CNTN3: variants seen among roughly 807,000 people sequenced by gnomAD.
CNTN3 encodes contactin-3.
CNTN3 carries 60 observed loss-of-function variants against 119.1 expected under a neutral mutation model. That is an observed-to-expected ratio of 0.50 (90% CI 0.41 to 0.62). The LOEUF is 0.62. Ranked by LOEUF, CNTN3 falls within the 20% of genes least tolerant of loss-of-function variation. CNTN3 has a pLI of 0.00. For synonymous variants in CNTN3, 450 were observed against 438.7 expected (o/e 1.03, Z -0.32); for missense variants, 1,101 against 1,242.4 (o/e 0.89, Z 1.71).
In CNTN3 at chr3:74,301,505, A is replaced by G. The variant is rs74870889; in HGVS notation, c.1988T>C (p.Val663Ala). 2 of 1,614,008 alleles carry G rather than the reference A, an allele frequency of 1.2e-6. No individual in the cohort carries two copies. The highest frequency in any genetic ancestry group is 2.7e-5 in the African/African-American group (2 of 74,906). Residue 663 changes from valine to alanine, a missense_variant, in exon 16 of 23, where the codon GTT becomes GCT. Transcript: ENST00000263665. ...IDGKTHTATV[V>A]ELNPWVEYEF... ...ATATTCCACCCATGGGTTTAACTCA[A>G]CTACAGTGGCTGTGTGCGTCTTCCC...
intron 4 of CNTN3, among the ~76,000 whole-genome samples, chr3:74,428,863 T>C (rs1388242621): frequency 3.3e-5 from 5 of 152,160 alleles, no homozygotes; most frequent in African/African-American, 1.2e-4. Flanking sequence ...TATTGTACTG[T>C]ACATTTTCTA....
At chr3:74,562,552 C>T (rs17012613) in intron 1 of CNTN3, among the ~76,000 whole-genome samples, 1,800 of 152,138 alleles carry the variant, frequency 0.012, 22 homozygotes, top group Non-Finnish European at 0.017. Flanking sequence ...AAAGGGAAAA[C>T]GAGAGGCTAA....
chr3:74,375,407 C>T (rs566328694), intron 5 of CNTN3, among the ~76,000 whole-genome samples: 1 of 151,968 alleles, frequency 6.6e-6, no homozygotes, highest in South Asian at 2.1e-4. Flanking sequence ...GTGGGGTAGG[C>T]AGAATAAATG....
intron 5 of CNTN3, among the ~76,000 whole-genome samples, chr3:74,417,376 C>T (rs754266431): frequency 3.9e-5 from 6 of 152,122 alleles, no homozygotes; most frequent in East Asian, 1.9e-4. Flanking sequence ...AAGAGCAATA[C>T]GCTCAGTTTT....
At chr3:74,590,668 G>A (rs963216544) in intron 1 of CNTN3, among the ~76,000 whole-genome samples, 1 of 152,040 alleles carries the variant, frequency 6.6e-6, no homozygotes, top group South Asian at 2.1e-4. Flanking sequence ...TCAAGTGATG[G>A]TCATATGAGA....
chr3:74,369,019 T>G (rs1704269638), intron 8 of CNTN3, among the ~76,000 whole-genome samples, 170 bp downstream of exon 8: 1 of 152,140 alleles, frequency 6.6e-6, no homozygotes, highest in African/African-American at 2.4e-5. Context: ...AAAAATTTAT[T>G]TCTTTTTAAT....
intron 1 of CNTN3, among the ~76,000 whole-genome samples, chr3:74,557,246 T>C (rs2107169290): frequency 6.6e-6 from 1 of 152,336 alleles, no homozygotes; most frequent in Non-Finnish European, 1.5e-5. Context: ...TTACATTTTC[T>C]TTTAAGAGTT....
At chr3:74,372,741 G>A (rs1704373198) in intron 5 of CNTN3, among the ~76,000 whole-genome samples, 1 of 152,060 alleles carries the variant, frequency 6.6e-6, no homozygotes, top group Non-Finnish European at 1.5e-5. Flanking sequence ...ATGAGATAAG[G>A]AGAAGGGTTA....
At chr3:74,549,620 T>A (rs770133359) in intron 1 of CNTN3, among the ~76,000 whole-genome samples, 1 of 151,800 alleles carries the variant, frequency 6.6e-6, no homozygotes, top group Non-Finnish European at 1.5e-5. Flanking sequence ...AAAGGAAAAA[T>A]TACTGCTTGT....
chr3:74,506,873 T>C (rs1202065622), intron 2 of CNTN3, among the ~76,000 whole-genome samples: 5 of 152,188 alleles, frequency 3.3e-5, no homozygotes, highest in Non-Finnish European at 5.9e-5. Flanking sequence ...AAAATATTTC[T>C]TTAACACATT....
Position 74,430,783 on chromosome 3 carries a change from T to C in CNTN3, c.359-5843A>G, listed in dbSNP as rs562644487. Among the ~76,000 whole-genome samples, 274 of 152,264 alleles carry C rather than the reference T, an allele frequency of 1.8e-3. 2 individuals are homozygous for C. The highest frequency in any genetic ancestry group is 6.3e-3 in the African/African-American group (261 of 41,548). On this transcript the variant is annotated intron_variant, in intron 4 of 22. Transcript: ENST00000263665. ...ACTAAATACACATACACAATGAGTA[T>C]GTATAAACCAGGGAAATATGAATTA...
rs924147491 is a variant in CNTN3 at position 74,541,279 on chromosome 3, T to G, written c.-80-20087A>C. ...GAGAGAAACTCTTGCCCTTTTACAC[T>G]ACTCAACATGCACAAAAATGATCAT... On this transcript the variant is annotated intron_variant, in intron 1 of 22. Coordinates refer to ENST00000263665, the MANE Select transcript of CNTN3 (RefSeq NM_020872.3). Among the ~76,000 whole-genome samples the G allele has an allele frequency of 3.3e-5, 5 of 152,278 alleles. No homozygotes were observed. The South Asian group carries it at 1.0e-3, about 32-fold the overall frequency.
At chr3:74,287,400 T>G (rs1365376827) in intron 19 of CNTN3, among the ~76,000 whole-genome samples, 1 of 152,158 alleles carries the variant, frequency 6.6e-6, no homozygotes, top group African/African-American at 2.4e-5. Flanking sequence ...AAAAATGAAA[T>G]GCAGCTTATA....
At chr3:74,446,033 C>T (rs184100854) in intron 4 of CNTN3, among the ~76,000 whole-genome samples, 1 of 152,164 alleles carries the variant, frequency 6.6e-6, no homozygotes, top group South Asian at 2.1e-4. Flanking sequence ...CTCCTGATCA[C>T]TAGTCGAACC....
chr3:74,509,911 C>T (rs1041875230), intron 2 of CNTN3, among the ~76,000 whole-genome samples: 5 of 151,908 alleles, frequency 3.3e-5, no homozygotes, highest in Admixed American at 2.6e-4. Flanking sequence ...ATTACATGTA[C>T]TTGTTTTTCA....
At chr3:74,268,052 C>T (rs1701699676) in intron 20 of CNTN3, among the ~76,000 whole-genome samples, 2 of 152,076 alleles carry the variant, frequency 1.3e-5, no homozygotes, top group Admixed American at 1.3e-4. Context: ...CTTCGTTTTC[C>T]AGGCTTAAAT....
At chr3:74,380,081 C>A (rs977205452) in intron 5 of CNTN3, among the ~76,000 whole-genome samples, 1 of 152,212 alleles carries the variant, frequency 6.6e-6, no homozygotes, top group Admixed American at 6.5e-5. Context: ...ACAGCACTGG[C>A]ACTTCAGATA....
intron 20 of CNTN3, among the ~76,000 whole-genome samples, chr3:74,267,838 T>G (rs1213926861): frequency 6.6e-6 from 1 of 152,114 alleles, no homozygotes; most frequent in African/African-American, 2.4e-5. Flanking sequence ...GGGACTTATT[T>G]TGACGCATAC....
In CNTN3 at chr3:74,264,407, C is replaced by A. The variant is rs752108347; in HGVS notation, c.3081G>T (p.Leu1027=). ...TAATAAAAAGGAGTTAATATCACCA[C>A]AGGACATATACAATTAAGAACAGTA... ...PIVLFLIVYV[L]W The change falls in exon 23 of 23, where the codon CTG becomes CTT. Residue 1027 remains leucine, a synonymous_variant. Coordinates refer to ENST00000263665, the MANE Select transcript of CNTN3 (RefSeq NM_020872.3). 2 of 1,559,088 alleles carry A rather than the reference C, an allele frequency of 1.3e-6. No homozygotes were observed. The highest frequency in any genetic ancestry group is 2.3e-5 in the East Asian group (1 of 43,026).
Sources: allele counts gnomAD v4.1 joint callset (sites outside exome capture counted in the v4.1 genomes callset), GRCh38; gene constraint gnomAD v4.1.1; transcripts MANE v1.5; gene names NCBI Gene and HGNC (gene_info 2026-07-23, HGNC 2026-07-21).